GABRB3: variants seen among roughly 807,000 people sequenced by gnomAD.
The protein encoded by GABRB3 is gamma-aminobutyric acid receptor subunit beta-3.
GABRB3 carries 14 observed loss-of-function variants against 52.1 expected under a neutral mutation model. The ratio of observed to expected loss-of-function variants is 0.27; its 90% CI spans 0.18 to 0.42. GABRB3 has a LOEUF of 0.42. GABRB3 is among the 10% of genes least tolerant of loss of function. The pLI is 1.00. For missense variants in GABRB3, 307 were observed against 609.1 expected (o/e 0.50, Z 5.22); for synonymous variants, 260 against 232.3 (o/e 1.12, Z -1.08).
At chr15:26,732,747 T>G (rs372639099) in intron 3 of GABRB3, among the ~76,000 whole-genome samples, 43 of 151,964 alleles carry the variant, frequency 2.8e-4, no homozygotes, top group East Asian at 9.7e-4. Context: ...TCCCAGGACT[T>G]TGGGAGGCCG....
intron 3 of GABRB3, among the ~76,000 whole-genome samples, chr15:26,730,577 A>C (rs1676362070): frequency 6.6e-6 from 1 of 152,178 alleles, no homozygotes; most frequent in South Asian, 2.1e-4. Flanking sequence ...AGGGCCACAG[A>C]GTGAATGGCC....
chr15:26,600,145 G>C (rs2140498922), intron 4 of GABRB3, among the ~76,000 whole-genome samples: 1 of 151,934 alleles, frequency 6.6e-6, no homozygotes, highest in Non-Finnish European at 1.5e-5. Context: ...GCAGAAGAAA[G>C]AATCAGTAAG....
At chr15:26,711,349 A>G (rs1280951714) in intron 3 of GABRB3, among the ~76,000 whole-genome samples, 1 of 152,218 alleles carries the variant, frequency 6.6e-6, no homozygotes, top group Non-Finnish European at 1.5e-5. Context: ...ACCACATAAC[A>G]GTAAGTTTCT....
chr15:26,708,885 T>C (rs1387246207), intron 3 of GABRB3, among the ~76,000 whole-genome samples: 1 of 152,218 alleles, frequency 6.6e-6, no homozygotes, highest in Non-Finnish European at 1.5e-5. Context: ...TTATGCGGGC[T>C]GTTTGGAAGG....
chr15:26,634,701 C>G (rs1271070803), intron 3 of GABRB3, among the ~76,000 whole-genome samples: 1 of 151,788 alleles, frequency 6.6e-6, no homozygotes, highest in Non-Finnish European at 1.5e-5. Context: ...GCAGATGTTC[C>G]AACTCAACAC....
At chr15:26,592,437 C>A (rs1334446498) in intron 4 of GABRB3, among the ~76,000 whole-genome samples, 1 of 152,090 alleles carries the variant, frequency 6.6e-6, no homozygotes, top group East Asian at 1.9e-4. Flanking sequence ...CTATGAAAAG[C>A]AATGGAAGCA....
chr15:26,576,785 C>T (rs1890610489), intron 6 of GABRB3, among the ~76,000 whole-genome samples: 1 of 152,242 alleles, frequency 6.6e-6, no homozygotes, highest in Admixed American at 6.5e-5. Flanking sequence ...AAGGGGGCCA[C>T]AATAAACCTC....
intron 3 of GABRB3, among the ~76,000 whole-genome samples, chr15:26,722,467 A>AC (rs1264287888): frequency 6.6e-6 from 1 of 152,100 alleles, no homozygotes; most frequent in Admixed American, 6.5e-5. Flanking sequence ...AAACCACATG[A>AC]CGTGCTGTGA....
rs946274118 is a variant in GABRB3, at chr15:26,624,335, A to T, written c.241-2801T>A. On this transcript the variant is annotated intron_variant, in intron 3 of 8. Transcript: ENST00000311550. ...CTATCACCCTCCATGTTACACTCGT[A>T]TTGAAATAGAAGTTTCACTTGTTTC... 1.8e-5 allele frequency: 18 copies of T among 985,550 alleles called. No individual in the cohort carries two copies. The African/African-American group carries it at 3.0e-4, about 16-fold the overall frequency. 61.1% of individuals were successfully genotyped at this position (985,550 alleles called of 1,614,324 possible). A position where few individuals can be genotyped will look rare whatever the true frequency, so the allele number is the denominator to read the frequency against.
chr15:26,656,143 T>C (rs1389949769), intron 3 of GABRB3, among the ~76,000 whole-genome samples: 1 of 152,168 alleles, frequency 6.6e-6, no homozygotes, highest in African/African-American at 2.4e-5. Flanking sequence ...TCAGGCCGCG[T>C]GGTACAGGTG....
intron 3 of GABRB3, among the ~76,000 whole-genome samples, chr15:26,771,139 T>C (rs1891132618): frequency 6.6e-6 from 1 of 152,216 alleles, no homozygotes; most frequent in South Asian, 2.1e-4. Flanking sequence ...TGGTAGGTAT[T>C]TTAAAAGTAT....
rs146006268 is a variant in GABRB3 at position 26,751,181 on chromosome 15, GA to G, written c.240+21220del. On this transcript the variant is annotated intron_variant, in intron 3 of 8. Transcript: ENST00000311550. ...TATTTTCCATGTTAGTCAACTTGGGGAAAAAATGGTTTCTGATGATAAGGCT... is the reference window on the plus strand; with the variant it reads ...TATTTTCCATGTTAGTCAACTTGGGGAAAAATGGTTTCTGATGATAAGGCT... Among the ~76,000 whole-genome samples the G allele has an allele frequency of 3.8e-3, 573 of 152,274 alleles. 20 individuals are homozygous for G. The East Asian group carries it at 0.09, about 24-fold the overall frequency.
At chr15:26,752,603 T>C (rs1037931033) in intron 3 of GABRB3, among the ~76,000 whole-genome samples, 2 of 152,048 alleles carry the variant, frequency 1.3e-5, no homozygotes, top group Admixed American at 1.3e-4. Context: ...TATTCTTAAT[T>C]TATGAATAAA....
chr15:26,629,161 G>T, intron 3 of GABRB3: 1 of 1,499,744 alleles, frequency 6.7e-7, no homozygotes, highest in South Asian at 1.2e-5. Context: ...GCGGAGTGTG[G>T]GGAGAAGCAG....
chr15:26,728,432 G>C (rs1889827548), intron 3 of GABRB3, among the ~76,000 whole-genome samples: 2 of 152,174 alleles, frequency 1.3e-5, no homozygotes, highest in South Asian at 4.1e-4. Context: ...AACACCGCGT[G>C]CTGGAGTGGA....
At chr15:26,697,896 C>G (rs1888794293) in intron 3 of GABRB3, among the ~76,000 whole-genome samples, 2 of 152,168 alleles carry the variant, frequency 1.3e-5, no homozygotes, top group Admixed American at 1.3e-4. Flanking sequence ...GGGCTCTTAT[C>G]AAAAGAGATG....
intron 4 of GABRB3, among the ~76,000 whole-genome samples, chr15:26,583,822 T>C (rs1890877004): frequency 6.6e-6 from 1 of 150,672 alleles, no homozygotes; most frequent in Non-Finnish European, 1.5e-5. Flanking sequence ...TCGCCCAGGC[T>C]GGAGTGCACT....
intron 3 of GABRB3, among the ~76,000 whole-genome samples, chr15:26,665,845 A>T (rs1336277843): frequency 6.6e-6 from 1 of 152,246 alleles, no homozygotes; most frequent in Non-Finnish European, 1.5e-5. Flanking sequence ...GAAAAACTAT[A>T]AAGTTGTACA....
In GABRB3 at chr15:26,546,462, G is replaced by A. The variant is rs1487233160; in HGVS notation, c.*1331C>T. 1.3e-5 allele frequency: 2 copies of A among 152,710 alleles called. No homozygotes were observed. The highest frequency in any genetic ancestry group is 2.1e-4 in the South Asian group (1 of 4,818). The allele number at this position is 152,710 out of a possible 1,614,324, so 9.5% of individuals were successfully genotyped here. ...CCAACAGTGACTGTGTTTGCTGTCA[G>A]GTTGCCCTCCTTTGCCTCAGAGAAC... On this transcript the variant is annotated 3_prime_UTR_variant, in exon 9 of 9. Transcript: ENST00000311550.
Sources: gnomAD v4.1 joint callset for allele counts (sites outside exome capture counted in the v4.1 genomes callset) on GRCh38, gnomAD v4.1.1 for gene constraint, MANE v1.5 for transcripts, NCBI Gene and HGNC (gene_info 2026-07-23, HGNC 2026-07-21) for gene names.